Variants in HS6ST3 observed in about 807,000 individuals in gnomAD.
The protein encoded by HS6ST3 is heparan sulfate 6-O-sulfotransferase 3.
Under a neutral mutation model 36.7 loss-of-function variants are expected in HS6ST3, and 12 were observed. That is an observed-to-expected ratio of 0.33 (90% confidence interval 0.21 to 0.53). The LOEUF is 0.53. HS6ST3 is among the 20% of genes least tolerant of loss of function. The pLI is 0.95. For missense variants in HS6ST3, 584 were observed against 640.9 expected (o/e 0.91, Z 0.96); for synonymous variants, 240 against 257.5 (o/e 0.93, Z 0.65).
At chr13:96,416,816 G>A (rs1168026677) in intron 1 of HS6ST3, among the ~76,000 whole-genome samples, 2 of 149,472 alleles carry the variant, frequency 1.3e-5, no homozygotes, top group African/African-American at 2.5e-5. Context: ...GCAGTGGCAC[G>A]ATCTCGGCTC....
chr13:96,770,527 C>T (rs574791121), intron 1 of HS6ST3, among the ~76,000 whole-genome samples: 2 of 151,950 alleles, frequency 1.3e-5, no homozygotes, highest in Non-Finnish European at 2.9e-5. Context: ...ATTTTGCTTA[C>T]AGCAATATAT....
intron 1 of HS6ST3, among the ~76,000 whole-genome samples, chr13:96,273,925 T>TTCCCTCCCTCCC (rs60633591): frequency 9.7e-6 from 1 of 103,414 alleles, no homozygotes; most frequent in Non-Finnish European, 2.0e-5. Flanking sequence ...TCCTTCCTTC[T>TTCCCTCCCTCCC]TCCCTCCCTC....
intron 1 of HS6ST3, among the ~76,000 whole-genome samples, chr13:96,659,487 T>C (rs1270535852): frequency 6.6e-6 from 1 of 152,110 alleles, no homozygotes; most frequent in Admixed American, 6.6e-5. Flanking sequence ...TCATGGTATA[T>C]TTTAATAAAT....
chr13:96,373,284 A>C (rs894777850), intron 1 of HS6ST3, among the ~76,000 whole-genome samples: 8 of 152,142 alleles, frequency 5.3e-5, no homozygotes, highest in African/African-American at 1.9e-4. Flanking sequence ...TAGGGTGTGG[A>C]CACATCATTT....
rs1476291063 is a variant in HS6ST3 at position 96,762,876 on chromosome 13, T to G, written c.708-69614T>G. Among the ~76,000 whole-genome samples, 3 of 152,350 alleles carry G rather than the reference T, an allele frequency of 2.0e-5. No homozygotes were observed. The East Asian group carries it at 5.8e-4, about 29-fold the overall frequency. On this transcript the variant is annotated intron_variant, in intron 1 of 1. Transcript: ENST00000376705. The stretch of plus-strand genomic sequence containing the variant: ...CTTATCTCGTCCACTGACCTTTCTC[T>G]CCTTCATTGGTCTCCTCTCCTCTTT...
At chr13:96,396,099 A>C (rs906339852) in intron 1 of HS6ST3, among the ~76,000 whole-genome samples, 2 of 152,050 alleles carry the variant, frequency 1.3e-5, no homozygotes, top group African/African-American at 4.8e-5. Context: ...GGATCACTTG[A>C]GGTGAGGAGT....
chr13:96,310,556 G>A (rs2054935437), intron 1 of HS6ST3, among the ~76,000 whole-genome samples: 2 of 152,068 alleles, frequency 1.3e-5, no homozygotes. Context: ...AAAAGACGAG[G>A]AAGGAGATTT....
chr13:96,604,453 A>G (rs557000260), intron 1 of HS6ST3, among the ~76,000 whole-genome samples: 2 of 152,152 alleles, frequency 1.3e-5, no homozygotes, highest in African/African-American at 4.8e-5. Flanking sequence ...GACAATGCAT[A>G]TTGGTTGATG....
intron 1 of HS6ST3, among the ~76,000 whole-genome samples, chr13:96,676,412 C>A (rs200024451): frequency 6.6e-6 from 1 of 152,058 alleles, no homozygotes; most frequent in East Asian, 1.9e-4. Context: ...AACCAGAAGT[C>A]GAATCTCAGG....
intron 1 of HS6ST3, among the ~76,000 whole-genome samples, chr13:96,295,008 T>G (rs954489404): frequency 6.6e-6 from 1 of 152,106 alleles, no homozygotes; most frequent in Non-Finnish European, 1.5e-5. Context: ...AAAGGAGTCA[T>G]AGCAAGAAAC....
chr13:96,117,370 A>G (rs187364983), intron 1 of HS6ST3, among the ~76,000 whole-genome samples: 8 of 152,340 alleles, frequency 5.3e-5, no homozygotes, highest in African/African-American at 1.9e-4. Flanking sequence ...TCACAAAGGG[A>G]AAATAACCTT....
chr13:96,183,741 G>A (rs2054251296), intron 1 of HS6ST3, among the ~76,000 whole-genome samples: 1 of 152,214 alleles, frequency 6.6e-6, no homozygotes, highest in South Asian at 2.1e-4. Context: ...CATGGAGACA[G>A]AAAACAGTGG....
chr13:96,680,117 G>A (rs959671912), intron 1 of HS6ST3, among the ~76,000 whole-genome samples: 2 of 152,064 alleles, frequency 1.3e-5, no homozygotes, highest in African/African-American at 2.4e-5. Flanking sequence ...GATGAGAGCC[G>A]GCTGCTATGA....
At chr13:96,588,406 T>C (rs1490147299) in intron 1 of HS6ST3, among the ~76,000 whole-genome samples, 3 of 152,194 alleles carry the variant, frequency 2.0e-5, no homozygotes, top group East Asian at 3.9e-4. Flanking sequence ...GTACATTTTT[T>C]CCATACCTAA....
intron 1 of HS6ST3, among the ~76,000 whole-genome samples, chr13:96,609,417 T>C (rs1003251967): frequency 6.6e-6 from 1 of 152,242 alleles, no homozygotes; most frequent in Admixed American, 6.5e-5. Flanking sequence ...TTTCTTTTCA[T>C]TCTTGTAAAA....
chr13:96,303,101 T>C (rs1030369182), intron 1 of HS6ST3, among the ~76,000 whole-genome samples: 18 of 152,326 alleles, frequency 1.2e-4, no homozygotes, highest in African/African-American at 4.1e-4. Context: ...TTTTTGACCC[T>C]TATTCTAGAG....
chr13:96,454,166 G>A (rs1208751252), intron 1 of HS6ST3, among the ~76,000 whole-genome samples: 1 of 152,032 alleles, frequency 6.6e-6, no homozygotes, highest in African/African-American at 2.4e-5. Flanking sequence ...TGTTGCACTG[G>A]GCCTTTTCAT....
intron 1 of HS6ST3, among the ~76,000 whole-genome samples, chr13:96,831,954 CAA>C (rs35266831): frequency 8.2e-4 from 18 of 21,856 alleles, no homozygotes; most frequent in African/African-American, 1.7e-3. Context: ...GACTCCCTCT[CAA>C]AAAAAAAAAA....
At chr13:96,567,349 AG>A (rs1027373955) in intron 1 of HS6ST3, among the ~76,000 whole-genome samples, 1 of 152,120 alleles carries the variant, frequency 6.6e-6, no homozygotes, top group African/African-American at 2.4e-5. Context: ...GTTACCAGAG[AG>A]GGGGTGGTAG....
Sources: gnomAD v4.1 joint callset for allele counts (sites outside exome capture counted in the v4.1 genomes callset) on GRCh38, gnomAD v4.1.1 for gene constraint, MANE v1.5 for transcripts, NCBI Gene and HGNC (gene_info 2026-07-23, HGNC 2026-07-21) for gene names.